NDUFS4: variants seen among roughly 807,000 people sequenced by gnomAD.
NDUFS4 encodes NADH dehydrogenase [ubiquinone] iron-sulfur protein 4, mitochondrial.
NDUFS4 carries 28 observed loss-of-function variants against 24.3 expected under a neutral mutation model. The observed-to-expected ratio is 1.15, with a 90% CI of 0.85 to 1.58. NDUFS4 has a LOEUF of 1.58. Among genes scored for constraint, NDUFS4 ranks in the 40% most tolerant of loss-of-function variants. The pLI is 0.00. For synonymous variants in NDUFS4, 93 were observed against 69.7 expected (o/e 1.34, Z -1.67); for missense variants, 223 against 207.9 (o/e 1.07, Z -0.45).
intron 4 of NDUFS4, among the ~76,000 whole-genome samples, chr5:53,677,051 T>C (rs1740498160): frequency 6.6e-6 from 1 of 152,178 alleles, no homozygotes; most frequent in Admixed American, 6.5e-5. Flanking sequence ...TGGCTATTTG[T>C]GTAGTTTTTT....
intron 4 of NDUFS4, among the ~76,000 whole-genome samples, chr5:53,662,245 T>TTCAGATAA (rs1268817501): frequency 1.3e-5 from 2 of 152,230 alleles, no homozygotes; most frequent in Non-Finnish European, 2.9e-5. Context: ...TCTGCATCTA[T>TTCAGATAA]TCAGATAATC....
chr5:53,606,769 C>T (rs566766894), intron 2 of NDUFS4, among the ~76,000 whole-genome samples: 2 of 152,348 alleles, frequency 1.3e-5, no homozygotes, highest in South Asian at 2.1e-4. Flanking sequence ...ACCTCACATC[C>T]GTCCCCACTT....
Position 53,642,610 on chromosome 5 carries a change from G to GA in NDUFS4, c.178-3614dup, listed in dbSNP as rs551520862. Among the ~76,000 whole-genome samples the GA allele has an allele frequency of 3.2e-3, 479 of 150,338 alleles. 2 individuals are homozygous for GA. The highest frequency in any genetic ancestry group is 0.01 in the African/African-American group (421 of 41,090). On this transcript the variant is annotated intron_variant, in intron 2 of 4. Transcript: ENST00000296684. ...CTTGTTCCCTGCTTCCTTTGTTAAA[G>GA]AAAAAAAAAGTTGAAATCACAGAAG...
intron 2 of NDUFS4, among the ~76,000 whole-genome samples, chr5:53,636,567 C>A (rs529650283): frequency 6.6e-6 from 1 of 152,138 alleles, no homozygotes; most frequent in Non-Finnish European, 1.5e-5. Context: ...CAGTCATTCT[C>A]ATTTTTATCA....
intron 2 of NDUFS4, among the ~76,000 whole-genome samples, chr5:53,630,319 C>T (rs1489194081): frequency 6.6e-6 from 1 of 151,860 alleles, no homozygotes; most frequent in African/African-American, 2.4e-5. Context: ...AACATTTTTT[C>T]TTCATTTCAA....
chr5:53,682,787 A>G lies in NDUFS4; in HGVS notation c.425-331A>G, dbSNP rs541033872. 2.3e-4 allele frequency among the ~76,000 whole-genome samples: 35 copies of G among 152,220 alleles called. No individual in the cohort carries two copies. In the South Asian group the frequency reaches 6.8e-3, roughly 30 times the overall value. ...CATCGCTCTTCATTGCAACTATTTTAAAGGCCTATGTTAAACCACATAGAG... is the reference window on the plus strand; with the variant it reads ...CATCGCTCTTCATTGCAACTATTTTGAAGGCCTATGTTAAACCACATAGAG... On this transcript the variant is annotated intron_variant, in intron 4 of 4. Transcript: ENST00000296684.
chr5:53,572,970 G>GTTTTTTTTTTTTTT (rs34978747), intron 1 of NDUFS4, among the ~76,000 whole-genome samples: 1 of 111,200 alleles, frequency 9.0e-6, no homozygotes, highest in African/African-American at 3.2e-5. Flanking sequence ...TTTTTTTTTT[G>GTTTTTTTTTTTTTT]TTTTTTTTTT....
At chr5:53,593,691 TAA>T (rs1453320819) in intron 1 of NDUFS4, among the ~76,000 whole-genome samples, 2 of 151,932 alleles carry the variant, frequency 1.3e-5, no homozygotes, top group African/African-American at 2.4e-5. Context: ...TTCAGAGCTA[TAA>T]GTTTTTCTCT....
intron 1 of NDUFS4, among the ~76,000 whole-genome samples, chr5:53,586,132 C>G (rs541550780): frequency 2.5e-4 from 38 of 151,858 alleles, no homozygotes; most frequent in Non-Finnish European, 4.0e-4. Context: ...AGTTCCAGAC[C>G]AGCCTGACTA....
chr5:53,591,231 A>G (rs1246231370), intron 1 of NDUFS4, among the ~76,000 whole-genome samples: 2 of 152,172 alleles, frequency 1.3e-5, no homozygotes, highest in African/African-American at 4.8e-5. Flanking sequence ...TAATGCTGCT[A>G]TAATCATGAG....
chr5:53,608,005 T>C (rs1041422616), intron 2 of NDUFS4, among the ~76,000 whole-genome samples: 3 of 152,222 alleles, frequency 2.0e-5, no homozygotes, highest in Non-Finnish European at 4.4e-5. Context: ...TTCATTTTAA[T>C]TTATTATGTG....
chr5:53,613,881 T>G (rs1489258623), intron 2 of NDUFS4, among the ~76,000 whole-genome samples: 1 of 152,036 alleles, frequency 6.6e-6, no homozygotes, highest in Non-Finnish European at 1.5e-5. Context: ...TAAGACTTCT[T>G]GAAGCTAGAA....
At chr5:53,662,712 G>T (rs111229555) in intron 4 of NDUFS4, among the ~76,000 whole-genome samples, 1 of 152,160 alleles carries the variant, frequency 6.6e-6, no homozygotes, top group African/African-American at 2.4e-5. Flanking sequence ...CTTCTTCCTG[G>T]TTTAGCCTTG....
chr5:53,598,217 T>C (rs1336142865), intron 1 of NDUFS4, among the ~76,000 whole-genome samples: 1 of 152,166 alleles, frequency 6.6e-6, no homozygotes, highest in East Asian at 1.9e-4. Context: ...TAAAACATAG[T>C]CTTAACGTAT....
chr5:53,578,926 A>G (rs994636417), intron 1 of NDUFS4, among the ~76,000 whole-genome samples: 4 of 152,152 alleles, frequency 2.6e-5, no homozygotes, highest in African/African-American at 9.7e-5. Flanking sequence ...AATATATAAT[A>G]GAATTTTGTG....
intron 1 of NDUFS4, among the ~76,000 whole-genome samples, chr5:53,561,146 C>CA (rs1281333082): frequency 6.6e-6 from 1 of 152,140 alleles, no homozygotes; most frequent in African/African-American, 2.4e-5. Flanking sequence ...CCCACCACTC[C>CA]AGTCCTTACA....
intron 2 of NDUFS4, chr5:53,604,718 C>G (rs777259320): frequency 4.4e-6 from 2 of 455,898 alleles, no homozygotes; most frequent in East Asian, 1.4e-4. Flanking sequence ...CTGCCTTCCT[C>G]TCTAGGTTTA....
chr5:53,562,578 T>C (rs1033489880), intron 1 of NDUFS4, among the ~76,000 whole-genome samples: 4 of 152,074 alleles, frequency 2.6e-5, no homozygotes, highest in African/African-American at 9.7e-5. Context: ...TGAAAAAAAA[T>C]CTTAATGCCA....
intron 4 of NDUFS4, among the ~76,000 whole-genome samples, chr5:53,681,767 T>C (rs1160896791): frequency 6.6e-6 from 1 of 152,156 alleles, no homozygotes; most frequent in African/African-American, 2.4e-5. Flanking sequence ...GTTGGGAATG[T>C]AATATTCTCT....
Sources: allele counts gnomAD v4.1 joint callset (sites outside exome capture counted in the v4.1 genomes callset), GRCh38; gene constraint gnomAD v4.1.1; transcripts MANE v1.5; gene names NCBI Gene and HGNC (gene_info 2026-07-23, HGNC 2026-07-21).